The following CARNMT1 variants were observed in gnomAD, a reference collection of about 807,000 sequenced individuals.
CARNMT1 encodes carnosine N-methyltransferase 1.
CARNMT1 carries 28 observed loss-of-function variants against 49.6 expected under a neutral mutation model. The ratio of observed to expected loss-of-function variants is 0.56; its 90% confidence interval spans 0.42 to 0.77. The LOEUF is 0.77. Among genes scored for constraint, CARNMT1 ranks in the 30% least tolerant of loss-of-function variants. CARNMT1 has a pLI of 0.00. For missense variants in CARNMT1, 421 were observed against 512.6 expected, an observed-to-expected ratio of 0.82 and a Z score of 1.73; for synonymous variants, 178 against 175.0, an observed-to-expected ratio of 1.02 and a Z score of -0.13.
In CARNMT1 at chr9:74,981,646, T is replaced by A. The variant is rs1832695784; in HGVS notation, c.*2121A>T. On this transcript the variant is annotated 3_prime_UTR_variant, in exon 8 of 8. Transcript: ENST00000376834. ...GAATTAACTAAAACATATGCTATAA[T>A]TTAGAAATTTAACATTATTAAAGAA... 6.6e-6 allele frequency: 1 copy of A among 152,040 alleles called. No homozygotes were observed. The highest frequency in any genetic ancestry group is 1.5e-5 in the Non-Finnish European group (1 of 67,962). 9.4% of individuals were successfully genotyped at this position (152,040 alleles called of 1,614,324 possible).
intron 1 of CARNMT1, among the ~76,000 whole-genome samples, chr9:75,021,057 C>T (rs766513227): frequency 6.6e-6 from 1 of 151,934 alleles, no homozygotes; most frequent in Non-Finnish European, 1.5e-5. Flanking sequence ...TCAGTTAATA[C>T]GGATTATTCT....
At chr9:75,028,322 G>C, upstream of CARNMT1, 1 of 1,315,414 alleles carries the variant, frequency 7.6e-7, no homozygotes, top group Non-Finnish European at 9.6e-7. Context: ...CCTTCCTCTA[G>C]ACGGCGCCCG....
chr9:75,018,364 A>T (rs1021318041), intron 1 of CARNMT1, among the ~76,000 whole-genome samples: 9 of 152,102 alleles, frequency 5.9e-5, no homozygotes, highest in Non-Finnish European at 1.3e-4. Context: ...ATGCCTGGCC[A>T]TAAGAACATC....
chr9:75,027,277 A>G (rs1822558885), intron 1 of CARNMT1: 1 of 579,706 alleles, frequency 1.7e-6, no homozygotes, highest in Middle Eastern at 8.9e-4. Context: ...TGAGGAGCAT[A>G]AAGGTCCTAC....
At chr9:75,013,350 A>T (rs1023264852) in intron 3 of CARNMT1, among the ~76,000 whole-genome samples, 1 of 152,206 alleles carries the variant, frequency 6.6e-6, no homozygotes, top group African/African-American at 2.4e-5. Flanking sequence ...TTTCTTCTGA[A>T]ATTATATTAT....
At chr9:75,020,554 C>T (rs190778143) in intron 1 of CARNMT1, among the ~76,000 whole-genome samples, 3 of 152,140 alleles carry the variant, frequency 2.0e-5, no homozygotes, top group Non-Finnish European at 4.4e-5. Context: ...GCGTGAGCCA[C>T]CGCACCCAGC....
intron 1 of CARNMT1, chr9:75,026,958 G>T (rs1283192725): frequency 1.6e-6 from 1 of 632,532 alleles, no homozygotes; most frequent in Non-Finnish European, 2.5e-6. Flanking sequence ...AGCAAAGCAA[G>T]AGATTTATAA....
chr9:75,021,734 C>T (rs1000574663), intron 1 of CARNMT1, among the ~76,000 whole-genome samples: 4 of 151,784 alleles, frequency 2.6e-5, no homozygotes. Context: ...TGTTCAAAAC[C>T]GGCCTGGGCA....
Position 74,994,729 on chromosome 9 carries a change from T to A in CARNMT1, c.1024+1718A>T, listed in dbSNP as rs568534137. 4.6e-5 allele frequency among the ~76,000 whole-genome samples: 7 copies of A among 152,340 alleles called. No individual in the cohort carries two copies. In the South Asian group the frequency reaches 1.4e-3, roughly 32 times the overall value. ...AAGCTGATTCTGAGACTTTTTTTTTTACATTCTTTAACTTATACATGCAAA... is the reference window on the plus strand; with the variant it reads ...AAGCTGATTCTGAGACTTTTTTTTTAACATTCTTTAACTTATACATGCAAA... On this transcript the variant is annotated intron_variant, in intron 6 of 7. Coordinates refer to ENST00000376834, the MANE Select transcript of CARNMT1 (RefSeq NM_152420.3).
rs1385488718 is a variant in CARNMT1, at chr9:75,014,336, ATGT to A, written c.590+1929_590+1931del. ...ACTGGGCGAATAAGTAAACGTATTG[ATGT>A]TGTTGGAAGTGAGGTAAACAGATAC... On this transcript the variant is annotated intron_variant, in intron 3 of 7. Coordinates refer to ENST00000376834, the MANE Select transcript of CARNMT1 (RefSeq NM_152420.3). Among the ~76,000 whole-genome samples, 261 of 152,330 alleles carry A rather than the reference ATGT, an allele frequency of 1.7e-3. 3 individuals carry two copies. The highest frequency in any genetic ancestry group is 3.5e-4 in the Non-Finnish European group (24 of 68,036).
chr9:74,996,251 T>C (rs943252903), intron 6 of CARNMT1, 196 bp downstream of exon 6: 3 of 477,390 alleles, frequency 6.3e-6, no homozygotes, highest in African/African-American at 4.0e-5. Flanking sequence ...TAAGTGTGAA[T>C]ATACAACTTC....
intron 2 of CARNMT1, chr9:75,016,716 T>C (rs1390558629): frequency 3.0e-6 from 1 of 330,054 alleles, no homozygotes; most frequent in African/African-American, 2.1e-5. Flanking sequence ...AGACCGAACA[T>C]CCTCTCTAAG....
chr9:74,985,110 C>A (rs763826034), intron 6 of CARNMT1, 100 bp from the exon 7 acceptor site: 8 of 884,052 alleles, frequency 9.0e-6, no homozygotes, highest in South Asian at 1.6e-5. Flanking sequence ...CTGGATGAGA[C>A]AAACATAAAA....
chr9:74,997,872 C>G (rs1833236817), intron 5 of CARNMT1, among the ~76,000 whole-genome samples: 1 of 152,000 alleles, frequency 6.6e-6, no homozygotes, highest in Non-Finnish European at 1.5e-5. Flanking sequence ...GTTCACTGTT[C>G]TCTTTTGACA....
At chr9:75,010,771 G>C (rs1833666791) in intron 3 of CARNMT1, among the ~76,000 whole-genome samples, 1 of 150,832 alleles carries the variant, frequency 6.6e-6, no homozygotes, top group Non-Finnish European at 1.5e-5. Context: ...ACACCTCACA[G>C]TCAAACTGCT....
intron 4 of CARNMT1, 23 bp from the exon 5 acceptor site, chr9:74,998,799 C>CA: frequency 7.1e-7 from 1 of 1,404,070 alleles, no homozygotes; most frequent in Non-Finnish European, 9.5e-7. Context: ...AGTATAAAAT[C>CA]AGGTGTTAAC....
chr9:75,027,749 G>C lies in CARNMT1; in HGVS notation c.230+263C>G, dbSNP rs548128764. ...CTCAAAGCCAAACCTTTACGAGGACGGAGGCAGGAGAGCTAATCTGATCCT... is the reference window on the plus strand; with the variant it reads ...CTCAAAGCCAAACCTTTACGAGGACCGAGGCAGGAGAGCTAATCTGATCCT... On this transcript the variant is annotated intron_variant, in intron 1 of 7. Coordinates refer to ENST00000376834, the MANE Select transcript of CARNMT1 (RefSeq NM_152420.3). 4.6e-5 allele frequency among the ~76,000 whole-genome samples: 7 copies of C among 152,354 alleles called. No homozygotes were observed. In the South Asian group the frequency reaches 1.2e-3, roughly 27 times the overall value.
At position 75,027,475 on chromosome 9, in the gene CARNMT1, A is replaced by C. The variant is rs1587319398; in HGVS notation, c.230+537T>G. 8.1e-6 allele frequency: 8 copies of C among 985,318 alleles called. No homozygotes were observed. The South Asian group carries it at 1.4e-4, about 17-fold the overall frequency. The allele number at this position is 985,318 out of a possible 1,614,324, so 61.0% of individuals were successfully genotyped here. ...AGCAGCATCATTCAATCGCTCACAC[A>C]AAAGTGCAAGTGCGTTCACAGCGCC... On this transcript the variant is annotated intron_variant, in intron 1 of 7. Coordinates refer to ENST00000376834, the MANE Select transcript of CARNMT1 (RefSeq NM_152420.3).
rs563324907 is a variant in CARNMT1 at position 74,992,141 on chromosome 9, G to A, written c.1024+4306C>T. On this transcript the variant is annotated intron_variant, in intron 6 of 7. Coordinates refer to ENST00000376834, the MANE Select transcript of CARNMT1 (RefSeq NM_152420.3). ...ACAAAAAACAGCCAGGTGTGGTGGC[G>A]CACGCCTGTAACCCCAGCTACTTGA... 7.2e-5 allele frequency among the ~76,000 whole-genome samples: 11 copies of A among 151,934 alleles called. No individual in the cohort carries two copies. In the East Asian group the frequency reaches 7.8e-4, roughly 11 times the overall value.
Sources: allele counts gnomAD v4.1 joint callset (sites outside exome capture counted in the v4.1 genomes callset), GRCh38; gene constraint gnomAD v4.1.1; transcripts MANE v1.5; gene names NCBI Gene and HGNC (gene_info 2026-07-23, HGNC 2026-07-21).